The following PLCH1 variants were observed in gnomAD, a reference collection of about 807,000 sequenced individuals.
PLCH1 encodes the protein 1-phosphatidylinositol 4,5-bisphosphate phosphodiesterase eta-1.
A neutral mutation model predicts 126.7 loss-of-function variants in PLCH1; 60 were observed. The observed-to-expected ratio is 0.47, with a 90% CI of 0.38 to 0.59. The LOEUF is 0.59. Among genes scored for constraint, PLCH1 ranks in the 20% least tolerant of loss-of-function variants. PLCH1 has a pLI of 0.00. For missense variants in PLCH1, 1,723 were observed against 2,040.0 expected (o/e 0.84, Z 2.99); for synonymous variants, 719 against 734.9 (o/e 0.98, Z 0.35).
rs372164911 is a variant in PLCH1 at position 155,490,809 on chromosome 3, A to C, written c.2367T>G (p.Asp789Glu). The change falls in exon 19 of 23, where the codon GAT becomes GAG. Residue 789 changes from aspartate to glutamate, a missense_variant. Asp to Glu is a conservative substitution (Grantham distance 45). This residue lies in a region of PLCH1 where 776 missense variants were observed against 1,062.9 expected (regional missense o/e 0.73). Transcript: ENST00000460012. ...CATTGTCATCTACCACACGGGTTTG[A>C]TCTTTACAACAATCTACTGGCAATC... ...IIGLPVDCCK[D>E]QTRVVDDNGF... 20 of 1,593,354 alleles carry C rather than the reference A, an allele frequency of 1.3e-5. No homozygotes were observed. The highest frequency in any genetic ancestry group is 1.7e-5 in the Non-Finnish European group (20 of 1,161,478).
chr3:155,675,649 C>T (rs925657419), intron 2 of PLCH1, among the ~76,000 whole-genome samples: 1 of 152,146 alleles, frequency 6.6e-6, no homozygotes, highest in African/African-American at 2.4e-5. Context: ...TCAGTTAAAA[C>T]CTACTGTTCA....
chr3:155,464,151 G>A (rs1338488709), intron 21 of PLCH1, among the ~76,000 whole-genome samples: 1 of 152,182 alleles, frequency 6.6e-6, no homozygotes, highest in African/African-American at 2.4e-5. Flanking sequence ...GACAATAAAG[G>A]AAGAGGAGAT....
At chr3:155,706,789 T>A (rs1006174627) in intron 1 of PLCH1, among the ~76,000 whole-genome samples, 2 of 152,076 alleles carry the variant, frequency 1.3e-5, no homozygotes, top group African/African-American at 4.8e-5. Context: ...GGATACCACT[T>A]CTGCCTGGTT....
intron 2 of PLCH1, among the ~76,000 whole-genome samples, chr3:155,667,902 TTAAA>T (rs781738267): frequency 5.3e-5 from 5 of 95,156 alleles, no homozygotes; most frequent in African/African-American, 1.1e-4. Flanking sequence ...CCATCTCTAC[TTAAA>T]AAAAAAAAAA....
At position 155,485,400 on chromosome 3, in the gene PLCH1, A is replaced by C. The variant is rs150327627; in HGVS notation, c.2930T>G (p.Val977Gly). Residue 977 changes from valine to glycine, a missense_variant, in exon 22 of 23, where the codon GTA becomes GGA. Around this residue, in one of 2 missense-constraint regions of PLCH1, gnomAD observed 947 missense variants for 977.1 expected, o/e 0.97. Transcript: ENST00000460012. ...TTCAATGTCTTTTGCTGTTTCAGAT[A>C]CAGGCAGCGACAAAGCTCCCAGAAG... is the stretch of plus-strand genomic sequence containing the variant. ...RNLLGALSLP[V>G]SETAKDIEGK... The C allele has an allele frequency of 2.2e-5, 35 of 1,609,336 alleles. No homozygotes were observed. The African/African-American group carries it at 4.4e-4, about 20-fold the overall frequency.
At chr3:155,733,449 G>T (rs952679877) in intron 1 of PLCH1, among the ~76,000 whole-genome samples, 2 of 152,152 alleles carry the variant, frequency 1.3e-5, no homozygotes, top group African/African-American at 2.4e-5. Flanking sequence ...CAACAAAGGT[G>T]CCATGAACAC....
At chr3:155,458,137 T>G in intron 21 of PLCH1, among the ~76,000 whole-genome samples, 1 of 150,794 alleles carries the variant, frequency 6.6e-6, no homozygotes, top group African/African-American at 2.4e-5. Flanking sequence ...AGGTCAGGAG[T>G]TCAAGACCAC....
In PLCH1 at chr3:155,706,746, T is replaced by C. The variant is rs564332249; in HGVS notation, c.-40-2482A>G. On this transcript the variant is annotated intron_variant, in intron 1 of 22. Transcript: ENST00000460012. ...TAACAATAAAATCAGCTGGAAATGATGCTATGAGTCTTCCAAGATGAGGTC... is the reference window on the plus strand; with the variant it reads ...TAACAATAAAATCAGCTGGAAATGACGCTATGAGTCTTCCAAGATGAGGTC... 8.5e-5 allele frequency among the ~76,000 whole-genome samples: 13 copies of C among 152,246 alleles called. 2 individuals are homozygous for C. The South Asian group carries it at 2.7e-3, about 32-fold the overall frequency.
At chr3:155,738,311 A>G (rs1239100510) in intron 1 of PLCH1, among the ~76,000 whole-genome samples, 1 of 152,144 alleles carries the variant, frequency 6.6e-6, no homozygotes, top group Non-Finnish European at 1.5e-5. Flanking sequence ...GAAGACCCAG[A>G]AGAAGGGTGT....
chr3:155,556,926 T>A (rs1231530970), intron 8 of PLCH1, among the ~76,000 whole-genome samples: 1 of 152,204 alleles, frequency 6.6e-6, no homozygotes, highest in Non-Finnish European at 1.5e-5. Flanking sequence ...CCCCGACTAA[T>A]ACAGCTATCT....
At chr3:155,733,304 C>A (rs551237312) in intron 1 of PLCH1, among the ~76,000 whole-genome samples, 1 of 152,094 alleles carries the variant, frequency 6.6e-6, no homozygotes. Flanking sequence ...ATCATGCTAC[C>A]TGATTTCAAA....
At chr3:155,619,649 C>A (rs13067853) in intron 2 of PLCH1, among the ~76,000 whole-genome samples, 1 of 151,994 alleles carries the variant, frequency 6.6e-6, no homozygotes, top group Non-Finnish European at 1.5e-5. Flanking sequence ...CACATTTTCC[C>A]TGAAAAACAA....
intron 1 of PLCH1, among the ~76,000 whole-genome samples, chr3:155,728,326 G>A (rs1748497462): frequency 6.6e-6 from 1 of 152,132 alleles, no homozygotes; most frequent in African/African-American, 2.4e-5. Context: ...CTCAGGGCCT[G>A]CCACTTTGTA....
chr3:155,639,117 A>G (rs1739082080), intron 2 of PLCH1, among the ~76,000 whole-genome samples: 1 of 152,186 alleles, frequency 6.6e-6, no homozygotes, highest in Non-Finnish European at 1.5e-5. Flanking sequence ...TTGACAAGAT[A>G]TACCACCTTG....
Position 155,577,099 on chromosome 3 carries a change from G to T in PLCH1, c.771+6373C>A, listed in dbSNP as rs146666880. ...ATGGTGAGACCCTGTCTCTAAAACA[G>T]ATTATTAAAAATTAGCTGGGTGTGA... On this transcript the variant is annotated intron_variant, in intron 6 of 22. Transcript: ENST00000460012. 5.3e-5 allele frequency among the ~76,000 whole-genome samples: 8 copies of T among 152,032 alleles called. No homozygotes were observed. The East Asian group carries it at 1.6e-3, about 29-fold the overall frequency.
rs576981404 is a variant in PLCH1, at chr3:155,552,074, T to C, written c.1190+2002A>G. 5.3e-5 allele frequency among the ~76,000 whole-genome samples: 8 copies of C among 152,364 alleles called. No homozygotes were observed. The South Asian group carries it at 1.7e-3, about 32-fold the overall frequency. ...CGTGGGAGGCATCATAAACTAAATC[T>C]GCTATACAGCAAGTGTGTCTTATTA... On this transcript the variant is annotated intron_variant, in intron 9 of 22. Coordinates refer to ENST00000460012, the MANE Select transcript of PLCH1 (RefSeq NM_014996.4).
chr3:155,505,552 T>C (rs1334372660), intron 12 of PLCH1, among the ~76,000 whole-genome samples: 1 of 152,062 alleles, frequency 6.6e-6, no homozygotes, highest in African/African-American at 2.4e-5. Flanking sequence ...GGGAAGGGGA[T>C]CTGTATATGC....
chr3:155,578,398 A>G (rs1730243897), intron 6 of PLCH1, among the ~76,000 whole-genome samples: 1 of 152,244 alleles, frequency 6.6e-6, no homozygotes, highest in Non-Finnish European at 1.5e-5. Context: ...TGTTATTTCT[A>G]AAACATATGT....
At chr3:155,495,529 T>C (rs1472528559) in intron 15 of PLCH1, among the ~76,000 whole-genome samples, 4 of 152,134 alleles carry the variant, frequency 2.6e-5, no homozygotes, top group African/African-American at 9.7e-5. Flanking sequence ...TCAGCCCTAA[T>C]AAGCTGAGTG....
Sources: gnomAD v4.1 joint callset for allele counts (sites outside exome capture counted in the v4.1 genomes callset) on GRCh38, gnomAD v4.1.1 for gene constraint, gnomAD v4.1.1 regional missense constraint, MANE v1.5 for transcripts, NCBI Gene and HGNC (gene_info 2026-07-23, HGNC 2026-07-21) for gene names.